MCOLN3: variants seen among roughly 807,000 people sequenced by gnomAD.
The protein encoded by MCOLN3 is mucolipin-3.
In MCOLN3, 62 loss-of-function variants were observed where a neutral mutation model predicts 69.4. The ratio of observed to expected loss-of-function variants is 0.89; its 90% CI spans 0.73 to 1.10. MCOLN3 has a LOEUF of 1.10. Among genes scored for constraint, MCOLN3 ranks in the 50% least tolerant of loss-of-function variants. The pLI, the probability that MCOLN3 is intolerant of heterozygous loss-of-function variation, is 0.00. For synonymous variants in MCOLN3, 183 were observed against 217.0 expected, an observed-to-expected ratio of 0.84 and a Z score of 1.38; for missense variants, 564 against 656.4, an observed-to-expected ratio of 0.86 and a Z score of 1.54.
rs1357734084 is a variant in MCOLN3 at position 85,026,252 on chromosome 1, C to T, written c.865G>A (p.Asp289Asn). 1 of 1,613,920 alleles carries T rather than the reference C, an allele frequency of 6.2e-7. No homozygotes were observed. Among genetic ancestry groups the T allele is most frequent in the Non-Finnish European group, 8.5e-7 (1 of 1,179,934 alleles). Residue 289 changes from aspartate (D) to asparagine (N), a missense_variant, in exon 8 of 13, where the codon GAT becomes AAT. Physicochemically the swap from Asp to Asn is conservative, Grantham distance 23. Coordinates refer to ENST00000370589, the MANE Select transcript of MCOLN3 (RefSeq NM_018298.11). ...QKNTHYMMIF[D>N]AFVILTCLVS... ...AAGCAAGTCAGAATGACAAAGGCAT[C>T]AAAGATCATCATGTAATGAGTGTTC...
chr1:85,039,473 G>A (rs1652955968), intron 3 of MCOLN3, among the ~76,000 whole-genome samples: 1 of 152,220 alleles, frequency 6.6e-6, no homozygotes, highest in Non-Finnish European at 1.5e-5. Flanking sequence ...CCCGGCTCCG[G>A]AATTATTAGG....
chr1:85,023,942 A>G (rs1265426708), intron 9 of MCOLN3, among the ~76,000 whole-genome samples: 1 of 152,192 alleles, frequency 6.6e-6, no homozygotes, highest in East Asian at 1.9e-4. Flanking sequence ...GCATGAGGGT[A>G]CATAGTTGGT....
chr1:85,044,994 T>C, intron 2 of MCOLN3, 139 bp downstream of exon 2: 1 of 640,244 alleles, frequency 1.6e-6, no homozygotes, highest in South Asian at 2.3e-5. Flanking sequence ...CAGAAGGGTC[T>C]AAGATTGTAT....
chr1:85,043,567 A>C (rs1653185456), intron 2 of MCOLN3, among the ~76,000 whole-genome samples: 1 of 152,064 alleles, frequency 6.6e-6, no homozygotes, highest in Non-Finnish European at 1.5e-5. Flanking sequence ...GACATCTATA[A>C]AATGTTTAGC....
intron 2 of MCOLN3, among the ~76,000 whole-genome samples, chr1:85,041,681 C>T (rs111420948): frequency 1.2e-3 from 179 of 152,044 alleles, no homozygotes; most frequent in African/African-American, 4.0e-3. Context: ...ACCAGCCTGA[C>T]CAACATGGTG....
chr1:85,026,353 A>G (rs1427392821), intron 7 of MCOLN3, 69 bp from the exon 8 acceptor site: 1 of 1,012,704 alleles, frequency 9.9e-7, no homozygotes, highest in Non-Finnish European at 1.5e-6. Flanking sequence ...TTCTTTTTAG[A>G]ATCATTTAAA....
intron 2 of MCOLN3, among the ~76,000 whole-genome samples, chr1:85,043,170 C>T (rs951771382): frequency 5.3e-5 from 8 of 152,150 alleles, no homozygotes; most frequent in African/African-American, 1.9e-4. Flanking sequence ...CTTTTCCTTA[C>T]CAAGACCCTC....
intron 9 of MCOLN3, among the ~76,000 whole-genome samples, chr1:85,023,943 C>T (rs1652087260): frequency 6.6e-6 from 1 of 152,094 alleles, no homozygotes; most frequent in Non-Finnish European, 1.5e-5. Context: ...CATGAGGGTA[C>T]ATAGTTGGTT....
chr1:85,024,541 T>G (rs932929066), intron 9 of MCOLN3: 10 of 147,546 alleles, frequency 6.8e-5, no homozygotes, highest in African/African-American at 2.0e-4. Flanking sequence ...GGAAATTCTG[T>G]TTTTTTTTTC....
In MCOLN3 at chr1:85,020,842, A is replaced by G. The variant is rs1651892436; in HGVS notation, c.1527+228T>C. Among the ~76,000 whole-genome samples the G allele has an allele frequency of 2.0e-5, 3 of 152,348 alleles. No individual in the cohort carries two copies. In the South Asian group the frequency reaches 6.2e-4, roughly 32 times the overall value. On this transcript the variant is annotated intron_variant, in intron 12 of 12. Coordinates refer to ENST00000370589, the MANE Select transcript of MCOLN3 (RefSeq NM_018298.11). ...TAATGACCCTTATAATTCTAATAAA[A>G]GGTTAGAAAGCTTGTGTGAGAAAGT...
At chr1:85,040,946 A>T in intron 3 of MCOLN3, 64 bp downstream of exon 3, 1 of 1,531,644 alleles carries the variant, frequency 6.5e-7, no homozygotes, top group Non-Finnish European at 9.0e-7. Context: ...TCTATTATGT[A>T]CATTGCCACC....
rs116339599 is a variant in MCOLN3 at position 85,039,834 on chromosome 1, C to T, written c.396+1176G>A. 2.6e-3 allele frequency among the ~76,000 whole-genome samples: 402 copies of T among 151,742 alleles called. 4 individuals are homozygous for T. The highest frequency in any genetic ancestry group is 9.3e-3 in the African/African-American group (383 of 41,342). ...AGCATGGTGGTGCATGCCTGTGGCC[C>T]CAGCTGCTTGGGAGGCTAAGGTGGG... On this transcript the variant is annotated intron_variant, in intron 3 of 12. Transcript: ENST00000370589.
At chr1:85,025,803 C>T in intron 9 of MCOLN3, 136 bp downstream of exon 9, 2 of 894,188 alleles carry the variant, frequency 2.2e-6, no homozygotes, top group South Asian at 3.3e-5. Context: ...AGAAAATTAC[C>T]ATTACCAATT....
At chr1:85,041,229 A>G (rs1007330959) in intron 2 of MCOLN3, 52 bp from the exon 3 acceptor site, 3 of 1,506,724 alleles carry the variant, frequency 2.0e-6, no homozygotes, top group Non-Finnish European at 2.7e-6. Flanking sequence ...GGGCAGAAAA[A>G]GCAGAGCAGA....
chr1:85,021,671 A>G (rs895256904), intron 11 of MCOLN3, among the ~76,000 whole-genome samples: 1 of 152,228 alleles, frequency 6.6e-6, no homozygotes, highest in Non-Finnish European at 1.5e-5. Context: ...AGAGCATAAT[A>G]TTCCAGACTA....
rs144380766 is a variant in MCOLN3, at chr1:85,032,908, G to A, written c.599C>T (p.Ala200Val). 1.7e-5 allele frequency: 27 copies of A among 1,614,100 alleles called. No homozygotes were observed. The African/African-American group carries it at 3.1e-4, about 18-fold the overall frequency. The change falls in exon 5 of 13, where the codon GCA becomes GTA. Residue 200 changes from alanine (A) to valine (V), a missense_variant. Physicochemically the swap from Ala to Val is moderately conservative, Grantham distance 64. Transcript: ENST00000370589. ...CAGTGTTAAGTTCAGTTTATTTTCTGCTGGTGTCCCAATGTGAAAAGGTTC... is the reference window on the plus strand; with the variant it reads ...CAGTGTTAAGTTCAGTTTATTTTCTACTGGTGTCCCAATGTGAAAAGGTTC... ...PDEPFHIGTP[A>V]ENKLNLTLDF...
chr1:85,041,134 T>C lies in MCOLN3; in HGVS notation c.272A>G (p.Lys91Arg). The stretch of plus-strand genomic sequence containing the variant: ...TTTGAATGCTATAGTATTCTCTTCC[T>C]TGAAAGCTACCACCATCTGGTTACT... Reference protein sequence around the residue: ...GLSNQMVVAFKEENTIAFKHL... With the variant: ...GLSNQMVVAFREENTIAFKHL... Residue 91 changes from lysine (K) to arginine (R), a missense_variant, in exon 3 of 13, where the codon AAG becomes AGG. Physicochemically the swap from Lys to Arg is conservative, Grantham distance 26. Coordinates refer to ENST00000370589, the MANE Select transcript of MCOLN3 (RefSeq NM_018298.11). 6.2e-7 allele frequency: 1 copy of C among 1,613,976 alleles called. No homozygotes were observed. Among genetic ancestry groups the C allele is most frequent in the Non-Finnish European group, 8.5e-7 (1 of 1,179,962 alleles).
At chr1:85,026,573 G>T (rs1268795086) in intron 7 of MCOLN3, among the ~76,000 whole-genome samples, 1 of 147,588 alleles carries the variant, frequency 6.8e-6, no homozygotes, top group African/African-American at 2.5e-5. Flanking sequence ...TGGCCAATGC[G>T]GTGAAACCCT....
rs1283056663 is a variant in MCOLN3, at chr1:85,026,095, G to C, written c.946-7C>G. The C allele has an allele frequency of 1.2e-6, 2 of 1,608,662 alleles. No homozygotes were observed. The highest frequency in any genetic ancestry group is 1.7e-6 in the Non-Finnish European group (2 of 1,177,384). On this transcript the variant is annotated splice_region_variant and splice_polypyrimidine_tract_variant and intron_variant, in intron 8 of 12. Transcript: ENST00000370589. Reference sequence around the variant, plus strand: ...GGAAAAAATTGACAAACTCCTTTAGGGAAAAGAGGGGAGGCACAGTGAATG... The same window carrying C: ...GGAAAAAATTGACAAACTCCTTTAGCGAAAAGAGGGGAGGCACAGTGAATG...
Sources: allele counts gnomAD v4.1 joint callset (sites outside exome capture counted in the v4.1 genomes callset), GRCh38; gene constraint gnomAD v4.1.1; transcripts MANE v1.5; gene names NCBI Gene and HGNC (gene_info 2026-07-23, HGNC 2026-07-21).